GTPBP1: variants seen among roughly 807,000 people sequenced by gnomAD.
The protein encoded by GTPBP1 is GTP-binding protein 1.
GTPBP1 carries 23 observed loss-of-function variants against 62.0 expected under a neutral mutation model. The ratio of observed to expected loss-of-function variants is 0.37; its 90% CI spans 0.27 to 0.53. GTPBP1 has a LOEUF of 0.53. Ranked by LOEUF, GTPBP1 falls within the 20% of genes least tolerant of loss-of-function variation. The probability of loss-of-function intolerance (pLI) is 0.89; values close to 1 mark genes in which losing one functional copy is unlikely to be tolerated. For synonymous variants in GTPBP1, 344 were observed against 364.4 expected (o/e 0.94, Z 0.64); for missense variants, 640 against 917.3 (o/e 0.70, Z 3.90).
downstream of GTPBP1, chr22:38,742,670 C>T (rs2092869711): frequency 1.8e-5 from 25 of 1,383,684 alleles, no homozygotes; most frequent in South Asian, 1.6e-4. Context: ...CAGAGACGTT[C>T]CAGCATAAGG....
chr22:38,715,946 C>T lies in GTPBP1; in HGVS notation c.344C>T (p.Ala115Val). 2 of 1,613,802 alleles carry T rather than the reference C, an allele frequency of 1.2e-6. No homozygotes were observed. The highest frequency in any genetic ancestry group is 1.7e-6 in the Non-Finnish European group (2 of 1,179,876). ...EYGLSEADME[A>V]SYATVKSMAE... ...GGGCTGAGTGAAGCTGACATGGAGG[C>T]CTCCTACGCCACAGTGAAGAGCATG... The change falls in exon 3 of 12, where the codon GCC (alanine) becomes GTC (valine). Residue 115 changes from alanine to valine, a missense_variant. This residue lies in a region of GTPBP1 where 215 missense variants were observed against 235.1 expected (regional missense o/e 0.91). Transcript: ENST00000216044.
intron 11 of GTPBP1, 105 bp downstream of exon 11, chr22:38,729,767 G>A: frequency 1.3e-6 from 1 of 798,586 alleles, no homozygotes; most frequent in African/African-American, 1.8e-5. Context: ...TGGCTAGAGG[G>A]TCTCCTCCAC....
Position 38,727,846 on chromosome 22 carries a change from C to T in GTPBP1, c.1538-137C>T, listed in dbSNP as rs760380368. ...GGATCAGAGCCAAGAACAGGCTTCA[C>T]GGGGGTCTGTAGCCCCAGAGATAAG... On this transcript the variant is annotated intron_variant, in intron 9 of 11. Transcript: ENST00000216044. The surrounding 1 kb of genome is among the most constrained non-coding windows in gnomAD (Gnocchi z 6.5). 20 of 636,746 alleles carry T rather than the reference C, an allele frequency of 3.1e-5. No individual in the cohort carries two copies. The highest frequency in any genetic ancestry group is 3.5e-4 in the Middle Eastern group (1 of 2,868). 39.4% of individuals were successfully genotyped at this position (636,746 alleles called of 1,614,324 possible).
chr22:38,717,642 C>T (rs1459875740), intron 4 of GTPBP1, among the ~76,000 whole-genome samples: 2 of 152,160 alleles, frequency 1.3e-5, no homozygotes, highest in African/African-American at 4.8e-5. Flanking sequence ...TTAAAAACAA[C>T]CAAAAAGTGT....
intron 1 of GTPBP1, chr22:38,706,674 CAG>C (rs1205935459): frequency 1.3e-5 from 2 of 152,476 alleles, no homozygotes; most frequent in African/African-American, 4.8e-5. Context: ...GGAAAGGAAA[CAG>C]AAAGTAGTCG....
chr22:38,724,035 G>T lies in GTPBP1; in HGVS notation c.959-262G>T, dbSNP rs1174005262. On this transcript the variant is annotated intron_variant, in intron 5 of 11. Coordinates refer to ENST00000216044, the MANE Select transcript of GTPBP1 (RefSeq NM_004286.5). ...CAAGTCACATGCTTACAGGAGGCAG[G>T]TCGTCTAGACACAAGAGAAATCTGC... Among the ~76,000 whole-genome samples, 5 of 152,106 alleles carry T rather than the reference G, an allele frequency of 3.3e-5. No homozygotes were observed. The East Asian group carries it at 9.6e-4, about 29-fold the overall frequency.
At chr22:38,724,775 C>G (rs1253707200) in intron 6 of GTPBP1, among the ~76,000 whole-genome samples, 1 of 152,174 alleles carries the variant, frequency 6.6e-6, no homozygotes, top group Admixed American at 6.5e-5. Flanking sequence ...TAATGCCCTG[C>G]CTGGCTGATG....
downstream of GTPBP1, chr22:38,740,534 G>A (rs1193291451): frequency 2.3e-6 from 3 of 1,296,144 alleles, no homozygotes; most frequent in Non-Finnish European, 3.1e-6. The surrounding 1 kb of genome is among the most constrained non-coding windows in gnomAD (Gnocchi z 4.8). Context: ...CGTCAGGAGA[G>A]CGGGTGCCCA....
chr22:38,717,007 G>T lies in GTPBP1; in HGVS notation c.834+7G>T. 2 of 1,578,026 alleles carry T rather than the reference G, an allele frequency of 1.3e-6. No individual in the cohort carries two copies. Among genetic ancestry groups the T allele is most frequent in the African/African-American group, 1.3e-5 (1 of 74,318 alleles). ...TGACTTCTGCATGCTCATGGTGAGT[G>T]GGAGGCGCCCCAAGGAGGGGAGGCG... On this transcript the variant is annotated splice_region_variant and intron_variant, in intron 4 of 11. Coordinates refer to ENST00000216044, the MANE Select transcript of GTPBP1 (RefSeq NM_004286.5).
chr22:38,739,972 G>C (rs1406348195), downstream of GTPBP1: 5 of 1,599,380 alleles, frequency 3.1e-6, no homozygotes, highest in East Asian at 2.2e-5. This position sits in a 1 kb window ranked among gnomAD's most constrained non-coding sequence, Gnocchi z 6.7. Flanking sequence ...GTGTCACCCT[G>C]GGGGGCTTGC....
downstream of GTPBP1, chr22:38,742,717 G>A: frequency 3.4e-6 from 3 of 878,170 alleles, no homozygotes; most frequent in Non-Finnish European, 5.0e-6. Context: ...GGCAGGGGCT[G>A]CCGACCTCTG....
rs1363822859 is a variant in GTPBP1, at chr22:38,728,249, T to TCACTG, written c.1716+90_1716+94dup. On this transcript the variant is annotated intron_variant, in intron 10 of 11. Coordinates refer to ENST00000216044, the MANE Select transcript of GTPBP1 (RefSeq NM_004286.5). Reference sequence around the variant, plus strand: ...CCCTGAGTGCAGGGCAGAGGTTTAGTCACTGCCATGGGAGAGCTGGACCCA... The same window carrying TCACTG: ...CCCTGAGTGCAGGGCAGAGGTTTAGTCACTGCACTGCCATGGGAGAGCTGGACCCA... 17 of 924,182 alleles carry TCACTG rather than the reference T, an allele frequency of 1.8e-5. No homozygotes were observed. In the African/African-American group the frequency reaches 2.8e-4, roughly 15 times the overall value. 57.2% of individuals were successfully genotyped at this position (924,182 alleles called of 1,614,324 possible).
chr22:38,715,879 C>T (rs1283852665), intron 2 of GTPBP1, 28 bp from the exon 3 acceptor site: 2 of 1,580,080 alleles, frequency 1.3e-6, no homozygotes, highest in African/African-American at 1.4e-5. Context: ...ACTCCCTCTC[C>T]TGCTGATGTC....
chr22:38,740,377 C>T (rs1211601880), downstream of GTPBP1: 3 of 1,573,536 alleles, frequency 1.9e-6, no homozygotes, highest in Non-Finnish European at 2.6e-6. This position sits in a 1 kb window ranked among gnomAD's most constrained non-coding sequence, Gnocchi z 4.8. Context: ...GCCAGCTGGT[C>T]CTCCAGCCGC....
At chr22:38,720,936 C>T (rs1319235781) in intron 4 of GTPBP1, among the ~76,000 whole-genome samples, 10 of 152,172 alleles carry the variant, frequency 6.6e-5, no homozygotes, top group South Asian at 2.1e-4. Flanking sequence ...GACACAGTCT[C>T]GCTCTGTCAC....
intron 5 of GTPBP1, chr22:38,723,472 T>C: frequency 3.1e-6 from 3 of 960,298 alleles, no homozygotes; most frequent in Non-Finnish European, 4.9e-6. Flanking sequence ...GGGCAGCCGA[T>C]GCTCAGAGTA....
At chr22:38,711,333 A>G (rs2413547) in intron 2 of GTPBP1, among the ~76,000 whole-genome samples, 44,589 of 152,028 alleles carry the variant, frequency 0.29, 6,627 homozygotes, top group East Asian at 0.36. Flanking sequence ...GGCCTAATCT[A>G]TAGGATCTGG....
chr22:38,706,243 G>C (rs1047892584), intron 1 of GTPBP1, 96 bp downstream of exon 1: 1 of 797,608 alleles, frequency 1.3e-6, no homozygotes, highest in African/African-American at 1.8e-5. Flanking sequence ...CCCTGTCCGC[G>C]GGGAGCGCGG....
chr22:38,709,462 C>T (rs2092625813), intron 2 of GTPBP1, among the ~76,000 whole-genome samples: 1 of 152,086 alleles, frequency 6.6e-6, no homozygotes, highest in Non-Finnish European at 1.5e-5. Flanking sequence ...CTTGACTTTC[C>T]AAGCAGTTTT....
Sources: allele counts gnomAD v4.1 joint callset (sites outside exome capture counted in the v4.1 genomes callset), GRCh38; gene constraint gnomAD v4.1.1; regional missense constraint gnomAD v4.1.1; non-coding constraint Gnocchi (gnomAD v3.1); transcripts MANE v1.5; gene names NCBI Gene and HGNC (gene_info 2026-07-23, HGNC 2026-07-21).